Variants in NOL4 observed in about 807,000 individuals in gnomAD.
NOL4 encodes cancer/testis antigen 125.
In NOL4, 17 loss-of-function variants were observed where a neutral mutation model predicts 75.9. The observed-to-expected ratio is 0.22, with a 90% confidence interval of 0.15 to 0.34. The LOEUF is 0.34. NOL4 is among the 10% of genes least tolerant of loss of function. NOL4 has a pLI of 1.00. For synonymous variants in NOL4, 292 were observed against 289.9 expected, an observed-to-expected ratio of 1.01 and a Z score of -0.07; for missense variants, 614 against 793.5, an observed-to-expected ratio of 0.77 and a Z score of 2.72.
chr18:34,071,321 A>T (rs1201483112), intron 5 of NOL4, among the ~76,000 whole-genome samples: 1 of 152,150 alleles, frequency 6.6e-6, no homozygotes, highest in Non-Finnish European at 1.5e-5. Context: ...TTGCTATAAT[A>T]TAGATACATA....
intron 1 of NOL4, among the ~76,000 whole-genome samples, chr18:34,217,075 C>T (rs554061791): frequency 1.3e-5 from 2 of 152,050 alleles, no homozygotes; most frequent in African/African-American, 4.8e-5. Flanking sequence ...TCATAATTAG[C>T]TTACGGTGAT....
In NOL4 at chr18:34,223,285, C is replaced by G. The variant is rs756572937; in HGVS notation, c.-32G>C. 1 of 1,607,354 alleles carries G rather than the reference C, an allele frequency of 6.2e-7. No individual in the cohort carries two copies. Among genetic ancestry groups the G allele is most frequent in the Non-Finnish European group, 8.5e-7 (1 of 1,178,068 alleles). On this transcript the variant is annotated 5_prime_UTR_variant, in exon 1 of 11. Transcript: ENST00000261592. ...CGCGCTCGGCCGCTGGCCGGATGCT[C>G]CCAGCGCACTTCGCACCTGTTCACC...
intron 1 of NOL4, among the ~76,000 whole-genome samples, chr18:34,160,761 A>T (rs2031340835): frequency 1.3e-5 from 2 of 152,226 alleles, no homozygotes; most frequent in African/African-American, 4.8e-5. Flanking sequence ...ATGTGTAATG[A>T]TCAAATTGGG....
intron 5 of NOL4, among the ~76,000 whole-genome samples, chr18:34,020,860 T>A (rs993524565): frequency 2.0e-5 from 3 of 152,204 alleles, no homozygotes; most frequent in African/African-American, 7.2e-5. Flanking sequence ...AAAATTATGA[T>A]GGAAAAGGTA....
At chr18:34,107,752 G>A (rs2079377174) in intron 2 of NOL4, among the ~76,000 whole-genome samples, 1 of 151,852 alleles carries the variant, frequency 6.6e-6, no homozygotes, top group Non-Finnish European at 1.5e-5. Flanking sequence ...AAGAGTCCTG[G>A]AATTTTCAGG....
At chr18:34,040,094 G>T (rs1040413072) in intron 5 of NOL4, among the ~76,000 whole-genome samples, 10 of 151,918 alleles carry the variant, frequency 6.6e-5, no homozygotes, top group Admixed American at 5.3e-4. Flanking sequence ...CTGTTGGGAT[G>T]CAATCACATT....
rs1196908854 is a variant in NOL4 at position 34,149,422 on chromosome 18, AG to A, written c.265-19403del. On this transcript the variant is annotated intron_variant, in intron 1 of 10. Transcript: ENST00000261592. The stretch of plus-strand genomic sequence containing the variant: ...AAATTCTGGGACTAGTAACTTTGTT[AG>A]GGTGCACGTGGCCACAAAGTAAGAA... Among the ~76,000 whole-genome samples, 4 of 151,568 alleles carry A rather than the reference AG, an allele frequency of 2.6e-5. No homozygotes were observed. The East Asian group carries it at 7.7e-4, about 29-fold the overall frequency.
chr18:33,888,564 A>G (rs1049362760), intron 9 of NOL4, among the ~76,000 whole-genome samples: 1 of 152,146 alleles, frequency 6.6e-6, no homozygotes, highest in African/African-American at 2.4e-5. Context: ...CTTACATTTA[A>G]GTCTTTAATT....
chr18:33,950,936 A>T (rs1224785702), intron 8 of NOL4, among the ~76,000 whole-genome samples: 1 of 152,130 alleles, frequency 6.6e-6, no homozygotes, highest in African/African-American at 2.4e-5. Context: ...AGGAGTTTTT[A>T]CATTTGTTAT....
chr18:34,196,442 A>C (rs1254112846), intron 1 of NOL4, among the ~76,000 whole-genome samples: 1 of 152,154 alleles, frequency 6.6e-6, no homozygotes, highest in Non-Finnish European at 1.5e-5. Context: ...CAGAATCACA[A>C]AGTGGTTTAG....
intron 5 of NOL4, among the ~76,000 whole-genome samples, chr18:34,026,076 C>A (rs1382432629): frequency 6.6e-6 from 1 of 152,170 alleles, no homozygotes; most frequent in Non-Finnish European, 1.5e-5. Flanking sequence ...AATAATTATT[C>A]TGTAAGGATC....
At chr18:34,183,339 AG>A (rs1568427496) in intron 1 of NOL4, among the ~76,000 whole-genome samples, 1 of 151,878 alleles carries the variant, frequency 6.6e-6, no homozygotes, top group Non-Finnish European at 1.5e-5. Context: ...TAAAACTTCA[AG>A]ATATCACTAT....
chr18:33,989,498 T>G (rs947698723), intron 6 of NOL4, among the ~76,000 whole-genome samples: 1 of 152,098 alleles, frequency 6.6e-6, no homozygotes, highest in African/African-American at 2.4e-5. Flanking sequence ...AAGATTCAAT[T>G]TTGTAAAGAG....
chr18:34,168,163 C>G (rs2032620715), intron 1 of NOL4, among the ~76,000 whole-genome samples: 1 of 151,402 alleles, frequency 6.6e-6, no homozygotes, highest in Middle Eastern at 3.2e-3. Context: ...AAATCTACAC[C>G]TAGAACATTG....
At position 34,206,802 on chromosome 18, in the gene NOL4, T is replaced by A. The variant is rs181762278; in HGVS notation, c.264+16188A>T. On this transcript the variant is annotated intron_variant, in intron 1 of 10. Coordinates refer to ENST00000261592, the MANE Select transcript of NOL4 (RefSeq NM_003787.5). Reference sequence around the variant, plus strand: ...TCAGCCATTATTTTTCTATTTTTTTTATCTACCAATTCCTTTGTTTTCTCC... The same window carrying A: ...TCAGCCATTATTTTTCTATTTTTTTAATCTACCAATTCCTTTGTTTTCTCC... Among the ~76,000 whole-genome samples, 197 of 152,260 alleles carry A rather than the reference T, an allele frequency of 1.3e-3. 1 individual carries two copies. The highest frequency in any genetic ancestry group is 5.2e-4 in the Admixed American group (8 of 15,294).
chr18:34,027,736 G>A (rs2075417756), intron 5 of NOL4, among the ~76,000 whole-genome samples: 1 of 152,106 alleles, frequency 6.6e-6, no homozygotes, highest in African/African-American at 2.4e-5. Flanking sequence ...GTGTAAAGCA[G>A]TACATACAGC....
intron 9 of NOL4, among the ~76,000 whole-genome samples, chr18:33,889,279 A>G (rs2064955555): frequency 6.6e-6 from 1 of 152,144 alleles, no homozygotes. Context: ...GAAGAAATGG[A>G]TAAATTCCAG....
intron 1 of NOL4, among the ~76,000 whole-genome samples, chr18:34,159,046 G>C (rs61734391): frequency 0.015 from 2,228 of 152,328 alleles, 15 homozygotes; most frequent in Middle Eastern, 0.034. Flanking sequence ...AAGAGATGCT[G>C]GGGCAAAAGA....
intron 6 of NOL4, among the ~76,000 whole-genome samples, chr18:34,011,317 C>T (rs933284845): frequency 2.0e-5 from 3 of 151,586 alleles, no homozygotes; most frequent in African/African-American, 4.8e-5. Flanking sequence ...ATGTAAGGCT[C>T]ATCTAATAAT....
Sources: gnomAD v4.1 joint callset for allele counts (sites outside exome capture counted in the v4.1 genomes callset) on GRCh38, gnomAD v4.1.1 for gene constraint, MANE v1.5 for transcripts, NCBI Gene and HGNC (gene_info 2026-07-23, HGNC 2026-07-21) for gene names.